CTNNA3: variants seen among roughly 807,000 people sequenced by gnomAD.
The protein encoded by CTNNA3 is catenin alpha 3, also known as catenin alpha-3.
Under a neutral mutation model 95.7 loss-of-function variants are expected in CTNNA3, and 76 were observed. That is an observed-to-expected ratio of 0.79 (90% confidence interval 0.66 to 0.96). The LOEUF (loss-of-function observed/expected upper bound fraction) is 0.96, where lower values mean the gene tolerates loss of function less well. Ranked by LOEUF, CTNNA3 falls within the 40% of genes least tolerant of loss-of-function variation. The pLI is 0.00. For synonymous variants in CTNNA3, 431 were observed against 374.4 expected (o/e 1.15, Z -1.74); for missense variants, 1,191 against 1,089.8 (o/e 1.09, Z -1.31).
intron 11 of CTNNA3, among the ~76,000 whole-genome samples, chr10:66,395,651 C>A (rs528143356): frequency 3.3e-5 from 5 of 152,106 alleles, no homozygotes; most frequent in South Asian, 2.1e-4. Context: ...TCTCCATGAA[C>A]CTGCCACAAA....
At chr10:67,162,334 A>G (rs562847724) in intron 7 of CTNNA3, among the ~76,000 whole-genome samples, 10 of 152,006 alleles carry the variant, frequency 6.6e-5, no homozygotes, top group Non-Finnish European at 1.3e-4. Flanking sequence ...GGGTAAATAC[A>G]TATTATTTTT....
intron 7 of CTNNA3, among the ~76,000 whole-genome samples, chr10:66,980,943 G>T (rs995542633): frequency 6.6e-6 from 1 of 151,898 alleles, no homozygotes; most frequent in Non-Finnish European, 1.5e-5. Context: ...TTTCACTCTT[G>T]TTGCCCAGGC....
chr10:66,088,793 T>C (rs1290172010), intron 14 of CTNNA3, among the ~76,000 whole-genome samples: 1 of 152,112 alleles, frequency 6.6e-6, no homozygotes. Flanking sequence ...TGTTTTCATT[T>C]GCATTTTTGT....
chr10:67,459,399 C>T (rs147710237), intron 5 of CTNNA3, among the ~76,000 whole-genome samples: 3 of 152,286 alleles, frequency 2.0e-5, no homozygotes, highest in Non-Finnish European at 4.4e-5. Context: ...TTTCTGCCCA[C>T]GTGGTCAGCC....
chr10:67,472,847 T>C (rs899989950), intron 5 of CTNNA3, among the ~76,000 whole-genome samples: 1 of 152,188 alleles, frequency 6.6e-6, no homozygotes, highest in Non-Finnish European at 1.5e-5. Flanking sequence ...GCCTTCTGAG[T>C]TGAGCCCCAA....
chr10:67,613,616 C>T (rs7097855), intron 2 of CTNNA3, among the ~76,000 whole-genome samples: 64,854 of 151,974 alleles, frequency 0.43, 16,794 homozygotes, highest in African/African-American at 0.74. Flanking sequence ...TATATTATAT[C>T]CAGTCTTTTT....
intron 5 of CTNNA3, among the ~76,000 whole-genome samples, chr10:67,236,540 T>C (rs1335960800): frequency 1.1e-4 from 16 of 150,806 alleles, no homozygotes; most frequent in Non-Finnish European, 1.8e-4. Flanking sequence ...AGGGATAGCA[T>C]TGGGAGATAT....
chr10:66,595,043 C>T (rs1434844245), intron 10 of CTNNA3, among the ~76,000 whole-genome samples: 1 of 151,924 alleles, frequency 6.6e-6, no homozygotes, highest in Non-Finnish European at 1.5e-5. Context: ...ACTGGAGATC[C>T]CAGCCCTCAA....
chr10:67,144,131 G>A (rs1341184356), intron 7 of CTNNA3, among the ~76,000 whole-genome samples: 1 of 152,184 alleles, frequency 6.6e-6, no homozygotes, highest in Non-Finnish European at 1.5e-5. Flanking sequence ...GTGACCAGGT[G>A]CATTGTCAAT....
At chr10:66,325,570 T>A (rs933861517) in intron 12 of CTNNA3, among the ~76,000 whole-genome samples, 1 of 152,040 alleles carries the variant, frequency 6.6e-6, no homozygotes, top group African/African-American at 2.4e-5. Context: ...AATAATTGTT[T>A]TCAATGAAGA....
chr10:66,984,707 T>G (rs573589128), intron 7 of CTNNA3, among the ~76,000 whole-genome samples: 1 of 152,282 alleles, frequency 6.6e-6, no homozygotes, highest in South Asian at 2.1e-4. Flanking sequence ...ATGTACTTGA[T>G]GACTAAAGTC....
At chr10:66,056,255 T>C (rs1347826357) in intron 15 of CTNNA3, among the ~76,000 whole-genome samples, 1 of 152,184 alleles carries the variant, frequency 6.6e-6, no homozygotes, top group Non-Finnish European at 1.5e-5. Context: ...TGTTGAATGT[T>C]ATCAGATTTT....
At chr10:66,019,653 T>C (rs74367904) in intron 15 of CTNNA3, among the ~76,000 whole-genome samples, 6,480 of 152,014 alleles carry the variant, frequency 0.043, 229 homozygotes, top group East Asian at 0.18. Flanking sequence ...GAAAAAAGAA[T>C]ATGAGAAAAG....
In CTNNA3 at chr10:66,440,712, T is replaced by A. The variant is rs1219637431; in HGVS notation, c.1532-61360A>T. 5.3e-5 allele frequency among the ~76,000 whole-genome samples: 8 copies of A among 152,164 alleles called. No individual in the cohort carries two copies. The South Asian group carries it at 1.7e-3, about 31-fold the overall frequency. Reference sequence around the variant, plus strand: ...TGGAGCCAGATTATGTAGGTTTAAATCCTGGGGCACCCTCATCTGACTAGC... The same window carrying A: ...TGGAGCCAGATTATGTAGGTTTAAAACCTGGGGCACCCTCATCTGACTAGC... On this transcript the variant is annotated intron_variant, in intron 11 of 17. Coordinates refer to ENST00000433211, the MANE Select transcript of CTNNA3 (RefSeq NM_013266.4).
chr10:66,578,969 C>G (rs1589445666), intron 10 of CTNNA3, among the ~76,000 whole-genome samples: 1 of 140,592 alleles, frequency 7.1e-6, no homozygotes, highest in Non-Finnish European at 1.6e-5. Context: ...TGCTCTAGGC[C>G]TTTTTTTTTT....
chr10:67,249,580 G>A (rs763935269), intron 5 of CTNNA3, among the ~76,000 whole-genome samples: 9 of 152,128 alleles, frequency 5.9e-5, no homozygotes, highest in African/African-American at 7.2e-5. Flanking sequence ...ATGTATTACC[G>A]AGCTTGTAAA....
intron 11 of CTNNA3, among the ~76,000 whole-genome samples, chr10:66,466,121 A>T (rs1219708347): frequency 6.6e-6 from 1 of 152,058 alleles, no homozygotes; most frequent in East Asian, 1.9e-4. Flanking sequence ...AAGGCTCTAG[A>T]AAAATGACTG....
Position 65,942,681 on chromosome 10 carries a change from T to G in CTNNA3, c.2401-22064A>C, listed in dbSNP as rs115130992. On this transcript the variant is annotated intron_variant, in intron 17 of 17. Coordinates refer to ENST00000433211, the MANE Select transcript of CTNNA3 (RefSeq NM_013266.4). ...GGGCTTTGGGTAAGAGAATAAGAACTGAAAAAATATTTAGCATAGACAAAT... is the reference window on the plus strand; with the variant it reads ...GGGCTTTGGGTAAGAGAATAAGAACGGAAAAAATATTTAGCATAGACAAAT... Among the ~76,000 whole-genome samples, 1,200 of 152,286 alleles carry G rather than the reference T, an allele frequency of 7.9e-3. 16 individuals carry two copies. The highest frequency in any genetic ancestry group is 0.028 in the African/African-American group (1,153 of 41,562).
chr10:65,945,359 C>T (rs1052561318), intron 17 of CTNNA3, among the ~76,000 whole-genome samples: 1 of 152,176 alleles, frequency 6.6e-6, no homozygotes, highest in South Asian at 2.1e-4. Flanking sequence ...GACTGCCTAT[C>T]TGCAGAAATG....
Sources: allele counts gnomAD v4.1 joint callset (sites outside exome capture counted in the v4.1 genomes callset), GRCh38; gene constraint gnomAD v4.1.1; transcripts MANE v1.5; gene names NCBI Gene and HGNC (gene_info 2026-07-23, HGNC 2026-07-21).